The following RERE variants were observed in gnomAD, a reference collection of about 807,000 sequenced individuals.
RERE encodes arginine-glutamic acid dipeptide repeats protein.
A neutral mutation model predicts 146.1 loss-of-function variants in RERE; 40 were observed. The ratio of observed to expected loss-of-function variants is 0.27; its 90% confidence interval spans 0.21 to 0.36. The LOEUF is 0.36. RERE is among the 10% of genes least tolerant of loss of function. The probability of loss-of-function intolerance (pLI) is 1.00; values close to 1 mark genes in which losing one functional copy is unlikely to be tolerated. For missense variants in RERE, 1,933 were observed against 2,138.7 expected, an observed-to-expected ratio of 0.90 and a Z score of 1.90; for synonymous variants, 1,003 against 866.0, an observed-to-expected ratio of 1.16 and a Z score of -2.78.
At chr1:8,531,525 A>G (rs540837329) in intron 7 of RERE, among the ~76,000 whole-genome samples, 1 of 152,190 alleles carries the variant, frequency 6.6e-6, no homozygotes, top group African/African-American at 2.4e-5. Context: ...CAGATTTCCT[A>G]TGGTGAAAAT....
In RERE at chr1:8,360,510, G is replaced by C. The variant is rs1641522132; in HGVS notation, c.2997C>G (p.Ser999=). The change falls in exon 18 of 23, where the codon TCC becomes TCG. Residue 999 remains serine, a synonymous_variant. Coordinates refer to ENST00000400908, the MANE Select transcript of RERE (RefSeq NM_001042681.2). ...QLMPQSQPLP[S]SPAQPPGLTQ... ...TCAGCCCGGGGGGCTGGGCGGGCGAGGAGGGCAATGGCTGGCTCTGAGGCA... is the reference window on the plus strand; with the variant it reads ...TCAGCCCGGGGGGCTGGGCGGGCGACGAGGGCAATGGCTGGCTCTGAGGCA... The C allele has an allele frequency of 1.5e-6, 2 of 1,357,514 alleles. No individual in the cohort carries two copies. The highest frequency in any genetic ancestry group is 1.6e-5 in the African/African-American group (1 of 63,186). The allele number at this position is 1,357,514 out of a possible 1,614,324, so 84.1% of individuals were successfully genotyped here.
chr1:8,566,876 C>T (rs1179792552), intron 4 of RERE, among the ~76,000 whole-genome samples: 5 of 151,492 alleles, frequency 3.3e-5, no homozygotes, highest in African/African-American at 1.2e-4. Flanking sequence ...CTGCAACCTC[C>T]GCCTCCAGGG....
At chr1:8,494,946 C>T in intron 10 of RERE, 117 bp downstream of exon 10, 1 of 740,478 alleles carries the variant, frequency 1.4e-6, no homozygotes, top group Non-Finnish European at 2.4e-6. Flanking sequence ...GCCAAGACCA[C>T]AACTCACTCC....
intron 10 of RERE, among the ~76,000 whole-genome samples, chr1:8,467,892 C>A (rs1644623825): frequency 6.6e-6 from 1 of 152,192 alleles, no homozygotes; most frequent in African/African-American, 2.4e-5. Context: ...GATCCACCCG[C>A]CTCGGCCTCC....
intron 8 of RERE, among the ~76,000 whole-genome samples, chr1:8,498,298 C>T (rs1438749747): frequency 6.6e-6 from 1 of 152,110 alleles, no homozygotes; most frequent in Admixed American, 6.5e-5. Context: ...GCAGAGGTTG[C>T]AGTGAGCTGA....
At chr1:8,504,648 T>A (rs1210662670) in intron 8 of RERE, among the ~76,000 whole-genome samples, 1 of 152,030 alleles carries the variant, frequency 6.6e-6, no homozygotes, top group African/African-American at 2.4e-5. Context: ...GGTCAGAAGT[T>A]CGAGATCAGC....
At chr1:8,621,713 A>G (rs1349585983) in intron 3 of RERE, among the ~76,000 whole-genome samples, 1 of 152,198 alleles carries the variant, frequency 6.6e-6, no homozygotes, top group Non-Finnish European at 1.5e-5. Flanking sequence ...TCCACTAGTC[A>G]TGTTATTTGC....
At chr1:8,659,462 C>T (rs1022909644) in intron 1 of RERE, among the ~76,000 whole-genome samples, 1 of 152,188 alleles carries the variant, frequency 6.6e-6, no homozygotes, top group African/African-American at 2.4e-5. Context: ...GAGGCTGAGG[C>T]AGGAGAATCG....
intron 4 of RERE, among the ~76,000 whole-genome samples, chr1:8,580,882 A>G (rs1487432236): frequency 6.6e-6 from 1 of 152,016 alleles, no homozygotes; most frequent in Non-Finnish European, 1.5e-5. Flanking sequence ...TTTGTAGAGA[A>G]GAGGTGTCAT....
chr1:8,396,441 T>TA (rs1490382261), intron 12 of RERE, among the ~76,000 whole-genome samples: 1 of 152,202 alleles, frequency 6.6e-6, no homozygotes, highest in African/African-American at 2.4e-5. Context: ...CAAATCCTCT[T>TA]ACTCTTGACT....
chr1:8,802,740 T>C (rs1032781256), intron 1 of RERE, among the ~76,000 whole-genome samples: 4 of 152,214 alleles, frequency 2.6e-5, no homozygotes, highest in Non-Finnish European at 5.9e-5. Flanking sequence ...CTTGGTCATT[T>C]TGTATGCCCT....
At chr1:8,367,489 C>G (rs571394665) in intron 12 of RERE, among the ~76,000 whole-genome samples, 12 of 152,356 alleles carry the variant, frequency 7.9e-5, no homozygotes, top group Middle Eastern at 3.4e-3. Flanking sequence ...TCTCCTGGAG[C>G]ACTGGACGTG....
intron 6 of RERE, among the ~76,000 whole-genome samples, chr1:8,553,193 C>T (rs773765120): frequency 6.6e-6 from 1 of 151,782 alleles, no homozygotes; most frequent in Non-Finnish European, 1.5e-5. Context: ...TAGGCCAGTG[C>T]GTCCACACAC....
chr1:8,810,095 T>A (rs1453516140), intron 1 of RERE, among the ~76,000 whole-genome samples: 1 of 151,396 alleles, frequency 6.6e-6, no homozygotes, highest in Non-Finnish European at 1.5e-5. Context: ...AACCTCCGCC[T>A]CCCGGGTTCA....
rs150863133 is a variant in RERE, at chr1:8,364,736, G to A, written c.1540+10C>T. 9.7e-4 allele frequency: 1,567 copies of A among 1,607,702 alleles called. 3 individuals carry two copies. Among genetic ancestry groups the A allele is most frequent in the Non-Finnish European group, 9.1e-4 (1,072 of 1,174,186 alleles). ...CCGCCCCGCCCCAGGAGCGTGACGAGGCCACTTACTGGTGGTGAAGCAGTG... is the reference window on the plus strand; with the variant it reads ...CCGCCCCGCCCCAGGAGCGTGACGAAGCCACTTACTGGTGGTGAAGCAGTG... On this transcript the variant is annotated intron_variant, in intron 14 of 22. Coordinates refer to ENST00000400908, the MANE Select transcript of RERE (RefSeq NM_001042681.2). This position sits in a 1 kb window ranked among gnomAD's most constrained non-coding sequence, Gnocchi z 5.1.
chr1:8,787,588 G>T (rs560488853), intron 1 of RERE, among the ~76,000 whole-genome samples: 1 of 151,948 alleles, frequency 6.6e-6, no homozygotes, highest in African/African-American at 2.4e-5. Context: ...CAGCACTTTG[G>T]GGGAGGCCAA....
intron 6 of RERE, among the ~76,000 whole-genome samples, chr1:8,549,559 T>TA (rs1645909249): frequency 6.6e-6 from 1 of 151,988 alleles, no homozygotes; most frequent in South Asian, 2.1e-4. Flanking sequence ...TTCACAAAAG[T>TA]AACTTTTACA....
chr1:8,515,346 A>G (rs1192488045), intron 7 of RERE, among the ~76,000 whole-genome samples: 1 of 152,076 alleles, frequency 6.6e-6, no homozygotes, highest in East Asian at 1.9e-4. Flanking sequence ...TGGGCAAAAC[A>G]GAGCTAGACT....
At chr1:8,713,029 A>G (rs776556334) in intron 1 of RERE, among the ~76,000 whole-genome samples, 25 of 152,232 alleles carry the variant, frequency 1.6e-4, no homozygotes, top group Admixed American at 2.6e-4. Flanking sequence ...GTACTCATAT[A>G]ACTAGAAAAG....
Sources: gnomAD v4.1 joint callset for allele counts (sites outside exome capture counted in the v4.1 genomes callset) on GRCh38, gnomAD v4.1.1 for gene constraint, Gnocchi (gnomAD v3.1) non-coding constraint, MANE v1.5 for transcripts, NCBI Gene and HGNC (gene_info 2026-07-23, HGNC 2026-07-21) for gene names.